SLC34A3: variants seen among roughly 807,000 people sequenced by gnomAD.
SLC34A3 encodes the protein solute carrier family 34 member 3.
Under a neutral mutation model 43.9 loss-of-function variants are expected in SLC34A3, and 60 were observed. The ratio of observed to expected loss-of-function variants is 1.37; its 90% CI spans 1.11 to 1.70. SLC34A3 has a LOEUF of 1.70. SLC34A3 is among the 40% of genes most tolerant of loss of function. The pLI is 0.00. For missense variants in SLC34A3, 969 were observed against 823.8 expected, an observed-to-expected ratio of 1.18 and a Z score of -2.16; for synonymous variants, 451 against 386.2, an observed-to-expected ratio of 1.17 and a Z score of -1.97.
At chr9:137,232,255 CTG>C in intron 3 of SLC34A3, 94 bp downstream of exon 3, 1 of 1,251,580 alleles carries the variant, frequency 8.0e-7, no homozygotes, top group Non-Finnish European at 1.2e-6. Context: ...CCCAAACAGG[CTG>C]TGTGTGGGGA....
chr9:137,236,483 G>A lies in SLC34A3; in HGVS notation c.*67G>A, dbSNP rs894975037. On this transcript the variant is annotated 3_prime_UTR_variant, in exon 13 of 13. Coordinates refer to ENST00000673835, the MANE Select transcript of SLC34A3 (RefSeq NM_001177316.2). ...GAGGGCTCTGGAGGGCCCTGGAGGG[G>A]GGGTCCCCGCGGCAGCTGACCTCCG... The A allele has an allele frequency of 1.2e-5, 17 of 1,392,956 alleles. No individual in the cohort carries two copies. The African/African-American group carries it at 1.9e-4, about 15-fold the overall frequency. The allele number at this position is 1,392,956 out of a possible 1,614,324, so 86.3% of individuals were successfully genotyped here. A position where few individuals can be genotyped will look rare whatever the true frequency, so the allele number is the denominator to read the frequency against.
chr9:137,233,779 T>TTGGGGCCCCCCCCCCCC, intron 8 of SLC34A3, 57 bp downstream of exon 8: 8 of 1,445,720 alleles, frequency 5.5e-6, no homozygotes, highest in East Asian at 2.3e-5. Flanking sequence ...TGCTGAGTCA[T>TTGGGGCCCCCCCCCCCC]CCCGCCCCAC....
chr9:137,230,469 C>T (rs993324162), upstream of SLC34A3, among the ~76,000 whole-genome samples: 1 of 152,200 alleles, frequency 6.6e-6, no homozygotes, highest in Admixed American at 6.5e-5. Context: ...CCTGCTCTGC[C>T]GAGGGCAGGG....
chr9:137,230,105 GCAGGGTGAGC>G (rs1310950184), upstream of SLC34A3, among the ~76,000 whole-genome samples: 1 of 152,166 alleles, frequency 6.6e-6, no homozygotes, highest in Non-Finnish European at 1.5e-5. Flanking sequence ...CAGCCCCTGG[GCAGGGTGAGC>G]CTCTGGGGGA....
rs755465141 is a variant in SLC34A3, at chr9:137,236,215, C to T, written c.1599C>T (p.Val533=). Residue 533 remains valine, a synonymous_variant, in exon 13 of 13, where the codon GTC becomes GTT. Transcript: ENST00000673835. ...GLVLLVILVT[V]LQRRRPAWLP... ...TGCTCCTCGTCATCCTGGTTACTGT[C>T]CTGCAGCGGCGCCGGCCGGCCTGGC... is the stretch of plus-strand genomic sequence containing the variant. 2.5e-6 allele frequency: 4 copies of T among 1,578,426 alleles called. No homozygotes were observed. The South Asian group carries it at 3.4e-5, about 13-fold the overall frequency.
intron 12 of SLC34A3, among the ~76,000 whole-genome samples, chr9:137,235,227 AG>A (rs1398624689): frequency 6.6e-6 from 1 of 151,722 alleles, no homozygotes; most frequent in Non-Finnish European, 1.5e-5. Flanking sequence ...CCCCAGTCTG[AG>A]CCCCCAGCTC....
intron 12 of SLC34A3, among the ~76,000 whole-genome samples, chr9:137,235,522 C>T (rs779730816): frequency 5.3e-5 from 8 of 152,334 alleles, no homozygotes; most frequent in Admixed American, 1.3e-4. Context: ...CCTCCAAGTC[C>T]GGCAGCCCCT....
intron 12 of SLC34A3, 39 bp from the exon 13 acceptor site, chr9:137,235,910 ACCT>A (rs1385402199): frequency 6.3e-7 from 1 of 1,594,752 alleles, no homozygotes; most frequent in Non-Finnish European, 8.6e-7. Flanking sequence ...TGGTGACCCC[ACCT>A]CGTTGGGCCC....
chr9:137,235,823 C>T (rs1836561159), intron 12 of SLC34A3, 129 bp from the exon 13 acceptor site: 9 of 841,248 alleles, frequency 1.1e-5, no homozygotes, highest in South Asian at 9.0e-5. Context: ...AGACGGCCAT[C>T]TCATCCGTGA....
At position 137,234,806 on chromosome 9, in the gene SLC34A3, C is replaced by T; in HGVS notation, c.1335+75C>T. The T allele has an allele frequency of 6.3e-7, 1 of 1,594,048 alleles. No homozygotes were observed. On this transcript the variant is annotated intron_variant, in intron 12 of 12. Coordinates refer to ENST00000673835, the MANE Select transcript of SLC34A3 (RefSeq NM_001177316.2). The surrounding 1 kb of genome is among the most constrained non-coding windows in gnomAD (Gnocchi z 6.9). ...CCCACAGACAGGAGTGTGTCACCAGCCCCGGGGCCCTAGGCTGGCTGTGCC... is the reference window on the plus strand; with the variant it reads ...CCCACAGACAGGAGTGTGTCACCAGTCCCGGGGCCCTAGGCTGGCTGTGCC...
chr9:137,230,899 G>A (rs9777338), upstream of SLC34A3: 104,132 of 152,248 alleles, frequency 0.68, 35,629 homozygotes, highest in Admixed American at 0.73. Context: ...CTCCCGCCCC[G>A]TGTCTCCTCC....
Position 137,236,485 on chromosome 9 carries a change from G to A in SLC34A3, c.*69G>A, listed in dbSNP as rs1305649887. ...GGGCTCTGGAGGGCCCTGGAGGGGGGGTCCCCGCGGCAGCTGACCTCCGGT... is the reference window on the plus strand; with the variant it reads ...GGGCTCTGGAGGGCCCTGGAGGGGGAGTCCCCGCGGCAGCTGACCTCCGGT... On this transcript the variant is annotated 3_prime_UTR_variant, in exon 13 of 13. Transcript: ENST00000673835. The A allele has an allele frequency of 1.4e-5, 19 of 1,363,998 alleles. No homozygotes were observed. Among genetic ancestry groups the A allele is most frequent in the African/African-American group, 8.7e-5 (6 of 69,188 alleles). 84.5% of individuals were successfully genotyped at this position (1,363,998 alleles called of 1,614,324 possible).
intron 1 of SLC34A3, among the ~76,000 whole-genome samples, 200 bp from the exon 2 acceptor site, chr9:137,231,464 G>A (rs979546374): frequency 3.3e-5 from 5 of 151,938 alleles, no homozygotes; most frequent in African/African-American, 7.3e-5. Flanking sequence ...GACTGGGCTC[G>A]CCTGACAACT....
chr9:137,231,990 C>T (rs936700749), intron 2 of SLC34A3, 82 bp from the exon 3 acceptor site: 3 of 1,387,232 alleles, frequency 2.2e-6, no homozygotes, highest in Non-Finnish European at 3.1e-6. Context: ...ACGCCTCAGC[C>T]CGTCCTCCGG....
At chr9:137,233,544 A>C in intron 7 of SLC34A3, 89 bp from the exon 8 acceptor site, 1 of 1,552,094 alleles carries the variant, frequency 6.4e-7, no homozygotes, top group South Asian at 1.1e-5. Flanking sequence ...AGCAGTGGGC[A>C]GGGCTGGGCT....
rs1564421603 is a variant in SLC34A3, at chr9:137,234,847, CCCTTCCCTGGCCG to C, written c.1335+119_1335+131del. 6.7e-7 allele frequency: 1 copy of C among 1,502,146 alleles called. No homozygotes were observed. The highest frequency in any genetic ancestry group is 1.4e-5 in the African/African-American group (1 of 72,830). The allele number at this position is 1,502,146 out of a possible 1,614,324, so 93.1% of individuals were successfully genotyped here. On this transcript the variant is annotated intron_variant, in intron 12 of 12. Coordinates refer to ENST00000673835, the MANE Select transcript of SLC34A3 (RefSeq NM_001177316.2). This position sits in a 1 kb window ranked among gnomAD's most constrained non-coding sequence, Gnocchi z 6.9. ...TGGCTGTGCCCCCGCCTTCCTGGACCCCTTCCCTGGCCGCCAGCCTCAGCCCTGCTGCTCTGCC... is the reference window on the plus strand; with the variant it reads ...TGGCTGTGCCCCCGCCTTCCTGGACCCCAGCCTCAGCCCTGCTGCTCTGCC...
intron 12 of SLC34A3, 40 bp from the exon 13 acceptor site, chr9:137,235,912 C>G: frequency 6.3e-7 from 1 of 1,598,584 alleles, no homozygotes; most frequent in Non-Finnish European, 8.6e-7. Flanking sequence ...GTGACCCCAC[C>G]TCGTTGGGCC....
chr9:137,235,913 T>G, intron 12 of SLC34A3, 39 bp from the exon 13 acceptor site: 1 of 1,598,280 alleles, frequency 6.3e-7, no homozygotes, highest in African/African-American at 1.3e-5. Context: ...TGACCCCACC[T>G]CGTTGGGCCC....
At position 137,234,164 on chromosome 9, in the gene SLC34A3, G is replaced by A; in HGVS notation, c.981G>A (p.Leu327=). ...ELTDLAVGCI[L]LAGSLLVLCG... ...CGGACCTGGCCGTGGGCTGCATCCT[G>A]CTGGCCGGCTCCCTGCTGGTGCTCT... The change falls in exon 10 of 13, where the codon CTG becomes CTA. Residue 327 remains leucine, a synonymous_variant. Transcript: ENST00000673835. This position sits in a 1 kb window ranked among gnomAD's most constrained non-coding sequence, Gnocchi z 6.9. 1 of 1,602,802 alleles carries A rather than the reference G, an allele frequency of 6.2e-7. No individual in the cohort carries two copies. Among genetic ancestry groups the A allele is most frequent in the Non-Finnish European group, 8.5e-7 (1 of 1,178,134 alleles).
Sources: allele counts gnomAD v4.1 joint callset (sites outside exome capture counted in the v4.1 genomes callset), GRCh38; gene constraint gnomAD v4.1.1; non-coding constraint Gnocchi (gnomAD v3.1); transcripts MANE v1.5; gene names NCBI Gene and HGNC (gene_info 2026-07-23, HGNC 2026-07-21).